CKAP5: variants seen among roughly 807,000 people sequenced by gnomAD.
CKAP5 encodes cytoskeleton-associated protein 5.
CKAP5 carries 27 observed loss-of-function variants against 232.8 expected under a neutral mutation model. The observed-to-expected ratio is 0.12, with a 90% CI of 0.09 to 0.16. The LOEUF is 0.16. Ranked by LOEUF, CKAP5 falls within the 10% of genes least tolerant of loss-of-function variation. The pLI is 1.00. For missense variants in CKAP5, 1,838 were observed against 2,424.7 expected (o/e 0.76, Z 5.08); for synonymous variants, 785 against 841.1 (o/e 0.93, Z 1.16).
chr11:46,759,511 T>G (rs1180360133), intron 33 of CKAP5, 69 bp from the exon 34 acceptor site: 1 of 1,459,780 alleles, frequency 6.9e-7, no homozygotes, highest in Non-Finnish European at 9.2e-7. Flanking sequence ...AGTAGCACTG[T>G]CAGTTGCCCC....
chr11:46,784,034 T>A (rs1278851093), intron 17 of CKAP5, among the ~76,000 whole-genome samples: 1 of 151,674 alleles, frequency 6.6e-6, no homozygotes, highest in African/African-American at 2.4e-5. Flanking sequence ...TGAATTTTCA[T>A]CACTAGGCAA....
chr11:46,805,957 AT>A (rs1265858288), intron 8 of CKAP5, among the ~76,000 whole-genome samples: 1 of 152,260 alleles, frequency 6.6e-6, no homozygotes, highest in South Asian at 2.1e-4. Flanking sequence ...AATAAAAAAA[AT>A]AAAATGTCTC....
In CKAP5 at chr11:46,783,349, G is replaced by T; in HGVS notation, c.2174C>A (p.Ser725Ter). 1 of 1,609,764 alleles carries T rather than the reference G, an allele frequency of 6.2e-7. No individual in the cohort carries two copies. Among genetic ancestry groups the T allele is most frequent in the Non-Finnish European group, 8.5e-7 (1 of 1,177,280 alleles). ...TAEQVVSMAF[S>*]QKNPKNQSET... ...TGACTGATTTTTGGGATTCTTTTGT[G>T]AGAAAGCCATTGACACAACCTGAAA... Residue 725 changes from serine (S) to a stop codon, truncating the protein, a stop_gained, in exon 18 of 44, where the codon TCA becomes TAA. Transcript: ENST00000529230. LOFTEE classifies it high-confidence loss of function.
At chr11:46,758,789 C>T in intron 35 of CKAP5, 134 bp downstream of exon 35, 1 of 939,568 alleles carries the variant, frequency 1.1e-6, no homozygotes, top group Non-Finnish European at 1.6e-6. Context: ...GGCACCTGTG[C>T]ATTTCTTTCC....
At chr11:46,798,473 G>C (rs1180161745) in intron 9 of CKAP5, among the ~76,000 whole-genome samples, 2 of 151,870 alleles carry the variant, frequency 1.3e-5, no homozygotes, top group African/African-American at 2.4e-5. Flanking sequence ...CCAGCTACTT[G>C]GGAGGCTGAG....
At chr11:46,749,822 A>T (rs1230368250) in intron 42 of CKAP5, among the ~76,000 whole-genome samples, 2 of 151,272 alleles carry the variant, frequency 1.3e-5, no homozygotes, top group Non-Finnish European at 2.9e-5. Flanking sequence ...GTGGTGGCGC[A>T]TGCCTGTAAT....
chr11:46,763,769 A>T, intron 28 of CKAP5, 139 bp from the exon 29 acceptor site: 2 of 530,474 alleles, frequency 3.8e-6, no homozygotes, highest in Non-Finnish European at 6.0e-6. Flanking sequence ...TATGAATGCA[A>T]ATTTCAAGGT....
At chr11:46,834,868 C>A (rs1447527947) in intron 1 of CKAP5, among the ~76,000 whole-genome samples, 1 of 152,014 alleles carries the variant, frequency 6.6e-6, no homozygotes, top group African/African-American at 2.4e-5. Flanking sequence ...TACAGTGGCA[C>A]AAACATGGCT....
intron 1 of CKAP5, among the ~76,000 whole-genome samples, chr11:46,840,305 T>TC (rs1940021801): frequency 6.6e-6 from 1 of 152,144 alleles, no homozygotes; most frequent in African/African-American, 2.4e-5. Context: ...GATAAAACTG[T>TC]CAAACTCCCT....
intron 13 of CKAP5, among the ~76,000 whole-genome samples, chr11:46,794,221 C>T (rs1015018663): frequency 1.3e-5 from 2 of 152,144 alleles, no homozygotes; most frequent in Admixed American, 6.5e-5. Flanking sequence ...ATTTGGGAGG[C>T]GGAGGCAGGA....
At chr11:46,767,315 C>T (rs1329469581) in intron 27 of CKAP5, among the ~76,000 whole-genome samples, 1 of 152,076 alleles carries the variant, frequency 6.6e-6, no homozygotes, top group Non-Finnish European at 1.5e-5. Flanking sequence ...CCACTGTGCC[C>T]GGCCCTTTCT....
At position 46,762,963 on chromosome 11, in the gene CKAP5, A is replaced by AGG; in HGVS notation, c.3891+12_3891+13insCC. ...AACTTAAGCAGTCTCCCAGAGAGAG[A>AGG]ACACCACATTACCTTGACGACAAGA... On this transcript the variant is annotated intron_variant, in intron 30 of 43. Transcript: ENST00000529230. 2 of 1,608,756 alleles carry AGG rather than the reference A, an allele frequency of 1.2e-6. No individual in the cohort carries two copies. The highest frequency in any genetic ancestry group is 1.3e-5 in the African/African-American group (1 of 74,912).
chr11:46,755,550 G>A lies in CKAP5; in HGVS notation c.4690-483C>T, dbSNP rs190781566. 2.8e-3 allele frequency among the ~76,000 whole-genome samples: 419 copies of A among 151,802 alleles called. 2 individuals carry two copies. The highest frequency in any genetic ancestry group is 9.6e-3 in the African/African-American group (397 of 41,392). ...CTAGTCCTTAGGGATTCAGTCATTC[G>A]GCAAATATTTACTGAGCAAGATACT... On this transcript the variant is annotated intron_variant, in intron 35 of 43. Coordinates refer to ENST00000529230, the MANE Select transcript of CKAP5 (RefSeq NM_001008938.4).
chr11:46,823,453 TACA>T (rs1037141265), intron 1 of CKAP5, among the ~76,000 whole-genome samples: 4 of 152,196 alleles, frequency 2.6e-5, no homozygotes, highest in African/African-American at 7.2e-5. Flanking sequence ...ATAATCCCCT[TACA>T]ACATTTTTGT....
rs758262399 is a variant in CKAP5, at chr11:46,753,495, C to T, written c.4872G>A (p.Leu1624=). Residue 1624 remains leucine, a splice_region_variant and synonymous_variant, in exon 37 of 44, where the codon CTG becomes CTA. Coordinates refer to ENST00000529230, the MANE Select transcript of CKAP5 (RefSeq NM_001008938.4). ...CCCGGGCAAGGCTCTCTATCTGAAA[C>T]AGCTATCCAGACATACTTGTGTCAG... ...YSCIIGNMIS[L]FQIESLAREA... 3.7e-6 allele frequency: 6 copies of T among 1,607,504 alleles called. No individual in the cohort carries two copies. Among genetic ancestry groups the T allele is most frequent in the East Asian group, 4.5e-5 (2 of 44,634 alleles).
At chr11:46,830,980 G>C (rs1592488919) in intron 1 of CKAP5, among the ~76,000 whole-genome samples, 1 of 152,108 alleles carries the variant, frequency 6.6e-6, no homozygotes, top group East Asian at 1.9e-4. Flanking sequence ...CAGGAGAATG[G>C]CGTGAATCTG....
intron 17 of CKAP5, among the ~76,000 whole-genome samples, chr11:46,783,793 T>C (rs1319651158): frequency 1.3e-5 from 2 of 151,924 alleles, no homozygotes; most frequent in Non-Finnish European, 2.9e-5. Flanking sequence ...GCCACGTCTG[T>C]CTCCCAGGTT....
intron 11 of CKAP5, 67 bp downstream of exon 11, chr11:46,797,738 A>G: frequency 3.4e-6 from 5 of 1,471,612 alleles, no homozygotes; most frequent in Non-Finnish European, 4.6e-6. Context: ...GTCACTGTAC[A>G]TAATTTGCAG....
In CKAP5 at chr11:46,753,515, T is replaced by C; in HGVS notation, c.4870-18A>G. The C allele has an allele frequency of 1.9e-6, 3 of 1,586,892 alleles. No homozygotes were observed. The highest frequency in any genetic ancestry group is 1.7e-6 in the Non-Finnish European group (2 of 1,166,300). ...TGAAACAGCTATCCAGACATACTTG[T>C]GTCAGGGAGGTGTAAAACTCAATAT... On this transcript the variant is annotated intron_variant, in intron 36 of 43. Coordinates refer to ENST00000529230, the MANE Select transcript of CKAP5 (RefSeq NM_001008938.4).
Sources: allele counts gnomAD v4.1 joint callset (sites outside exome capture counted in the v4.1 genomes callset), GRCh38; gene constraint gnomAD v4.1.1; transcripts MANE v1.5; gene names NCBI Gene and HGNC (gene_info 2026-07-23, HGNC 2026-07-21).